CDYL2: variants seen among roughly 807,000 people sequenced by gnomAD.
CDYL2 encodes the protein chromodomain Y like 2, also known as chromodomain Y-like protein 2.
CDYL2 carries 23 observed loss-of-function variants against 49.4 expected under a neutral mutation model. The ratio of observed to expected loss-of-function variants is 0.47; its 90% CI spans 0.34 to 0.66. The LOEUF (loss-of-function observed/expected upper bound fraction) is 0.66. Ranked by LOEUF, CDYL2 falls within the 30% of genes least tolerant of loss-of-function variation. The pLI, the probability that CDYL2 is intolerant of heterozygous loss-of-function variation, is 0.01. For synonymous variants in CDYL2, 360 were observed against 268.8 expected (o/e 1.34, Z -3.32); for missense variants, 678 against 656.4 (o/e 1.03, Z -0.36).
intron 1 of CDYL2, among the ~76,000 whole-genome samples, chr16:80,751,391 T>C (rs77831758): frequency 2.0e-5 from 3 of 152,334 alleles, no homozygotes; most frequent in South Asian, 2.1e-4. Context: ...CTTGGGTTAT[T>C]TGCCAGCTCT....
chr16:80,684,289 T>C (rs1455440299), intron 2 of CDYL2, among the ~76,000 whole-genome samples: 2 of 152,156 alleles, frequency 1.3e-5, no homozygotes, highest in Non-Finnish European at 2.9e-5. Flanking sequence ...AGTCTGGAAC[T>C]TTGGACCCAT....
At chr16:80,739,645 C>G (rs1391581910) in intron 1 of CDYL2, among the ~76,000 whole-genome samples, 1 of 152,154 alleles carries the variant, frequency 6.6e-6, no homozygotes, top group Non-Finnish European at 1.5e-5. Context: ...TGCTGGCATC[C>G]TGCTCTGCCA....
chr16:80,782,900 G>C (rs533597550), intron 1 of CDYL2, among the ~76,000 whole-genome samples: 7 of 152,096 alleles, frequency 4.6e-5, no homozygotes, highest in Admixed American at 3.3e-4. Flanking sequence ...ACCATATTCA[G>C]GTAAAAGACT....
intron 1 of CDYL2, among the ~76,000 whole-genome samples, chr16:80,761,897 A>C (rs1348007047): frequency 6.6e-6 from 1 of 151,510 alleles, no homozygotes; most frequent in South Asian, 2.1e-4. Flanking sequence ...AAAAAAAAAA[A>C]ACAAAGACTG....
chr16:80,747,534 T>TA (rs1483669404), intron 1 of CDYL2, among the ~76,000 whole-genome samples: 1 of 152,192 alleles, frequency 6.6e-6, no homozygotes, highest in African/African-American at 2.4e-5. Flanking sequence ...GGATTGTTGT[T>TA]ACCAATGTTG....
At chr16:80,687,425 G>A (rs886518663) in intron 1 of CDYL2, among the ~76,000 whole-genome samples, 1 of 152,020 alleles carries the variant, frequency 6.6e-6, no homozygotes, top group South Asian at 2.1e-4. Flanking sequence ...TGGATGAATG[G>A]ATAGATGGAT....
intron 2 of CDYL2, among the ~76,000 whole-genome samples, chr16:80,679,511 G>A (rs998441870): frequency 1.3e-5 from 2 of 152,026 alleles, no homozygotes; most frequent in Admixed American, 6.6e-5. Context: ...TTGTAACCTC[G>A]GTCTCCACCT....
At chr16:80,733,013 G>T (rs117839777) in intron 1 of CDYL2, among the ~76,000 whole-genome samples, 2,999 of 152,158 alleles carry the variant, frequency 0.02, 26 homozygotes, top group African/African-American at 0.029. Context: ...GATCAAAACA[G>T]ACTCAAAGAT....
rs1904761653 is a variant in CDYL2, at chr16:80,715,354, A to T, written c.25-30225T>A. Among the ~76,000 whole-genome samples the T allele has an allele frequency of 1.3e-5, 2 of 152,268 alleles. 1 individual carries two copies. The highest frequency in any genetic ancestry group is 4.2e-4 in the South Asian group (2 of 4,816). On this transcript the variant is annotated intron_variant, in intron 1 of 6. Coordinates refer to ENST00000570137, the MANE Select transcript of CDYL2 (RefSeq NM_152342.4). ...ATGATTGAGGGCTCTGGAAGACCATAACCACCAACAATACCCCAACTAATC... is the reference window on the plus strand; with the variant it reads ...ATGATTGAGGGCTCTGGAAGACCATTACCACCAACAATACCCCAACTAATC...
chr16:80,713,159 T>C (rs1199190424), intron 1 of CDYL2, among the ~76,000 whole-genome samples: 1 of 152,134 alleles, frequency 6.6e-6, no homozygotes, highest in African/African-American at 2.4e-5. Context: ...TTTTTCTACC[T>C]CTCCTCCTGC....
chr16:80,731,624 C>G (rs929267167), intron 1 of CDYL2, among the ~76,000 whole-genome samples: 2 of 152,014 alleles, frequency 1.3e-5, no homozygotes, highest in African/African-American at 4.8e-5. Flanking sequence ...AGTGGAAGAA[C>G]CAGGAATCAG....
At chr16:80,771,485 C>T (rs906551904) in intron 1 of CDYL2, among the ~76,000 whole-genome samples, 1 of 152,230 alleles carries the variant, frequency 6.6e-6, no homozygotes, top group Non-Finnish European at 1.5e-5. Flanking sequence ...AGGCGGATCA[C>T]TTGTGGTCTG....
At position 80,718,772 on chromosome 16, in the gene CDYL2, C is replaced by T. The variant is rs546711000; in HGVS notation, c.25-33643G>A. Among the ~76,000 whole-genome samples the T allele has an allele frequency of 2.5e-4, 38 of 152,242 alleles. No homozygotes were observed. In the East Asian group the frequency reaches 3.5e-3, roughly 14 times the overall value. On this transcript the variant is annotated intron_variant, in intron 1 of 6. Coordinates refer to ENST00000570137, the MANE Select transcript of CDYL2 (RefSeq NM_152342.4). ...GAACAATGGGCCAGAGGGCAGCATC[C>T]GGAAATCCTGCCCAGCAGCCACACC...
At chr16:80,758,638 G>T (rs1348092536) in intron 1 of CDYL2, among the ~76,000 whole-genome samples, 1 of 150,768 alleles carries the variant, frequency 6.6e-6, no homozygotes, top group Non-Finnish European at 1.5e-5. Flanking sequence ...TGCCTCCCTG[G>T]TTCACGCCAT....
At chr16:80,760,710 A>C (rs1398195281) in intron 1 of CDYL2, among the ~76,000 whole-genome samples, 1 of 151,958 alleles carries the variant, frequency 6.6e-6, no homozygotes, top group Non-Finnish European at 1.5e-5. Flanking sequence ...TCTATTATTG[A>C]CTGGGGGATA....
At position 80,799,879 on chromosome 16, in the gene CDYL2, G is replaced by C. The variant is rs567716822; in HGVS notation, c.24+4271C>G. On this transcript the variant is annotated intron_variant, in intron 1 of 6. Coordinates refer to ENST00000570137, the MANE Select transcript of CDYL2 (RefSeq NM_152342.4). ...TCCAACTGATAACATTTTCTCTGAA[G>C]ATAGCTGCCTCTTCAAATACTGGTA... Among the ~76,000 whole-genome samples the C allele has an allele frequency of 2.3e-4, 35 of 152,316 alleles. 1 individual carries two copies. The South Asian group carries it at 6.8e-3, about 30-fold the overall frequency.
chr16:80,774,871 G>C (rs1273123529), intron 1 of CDYL2, among the ~76,000 whole-genome samples: 1 of 149,834 alleles, frequency 6.7e-6, no homozygotes, highest in Non-Finnish European at 1.5e-5. Flanking sequence ...AAGGAGAAAA[G>C]GCATAGAAAC....
At chr16:80,742,461 CATGG>C (rs3081238) in intron 1 of CDYL2, among the ~76,000 whole-genome samples, 1,686 of 146,268 alleles carry the variant, frequency 0.012, 19 homozygotes, top group Middle Eastern at 0.025. Flanking sequence ...AGGATGGATG[CATGG>C]ATGGATGGAT....
intron 2 of CDYL2, among the ~76,000 whole-genome samples, chr16:80,676,463 T>C (rs1294760429): frequency 6.6e-6 from 1 of 152,046 alleles, no homozygotes; most frequent in Admixed American, 6.6e-5. Flanking sequence ...CACCAGATAG[T>C]GTGGGGCCAC....
Sources: gnomAD v4.1 joint callset for allele counts (sites outside exome capture counted in the v4.1 genomes callset) on GRCh38, gnomAD v4.1.1 for gene constraint, MANE v1.5 for transcripts, NCBI Gene and HGNC (gene_info 2026-07-23, HGNC 2026-07-21) for gene names.